IGF2BP2: variants seen among roughly 807,000 people sequenced by gnomAD.
IGF2BP2 encodes the protein insulin-like growth factor 2 mRNA-binding protein 2.
Under a neutral mutation model 75.8 loss-of-function variants are expected in IGF2BP2, and 17 were observed. That is an observed-to-expected ratio of 0.22 (90% CI 0.15 to 0.34). The LOEUF (loss-of-function observed/expected upper bound fraction) is 0.34, where lower values mean the gene tolerates loss of function less well. Among genes scored for constraint, IGF2BP2 ranks in the 10% least tolerant of loss-of-function variants. IGF2BP2 has a pLI of 1.00. For synonymous variants in IGF2BP2, 288 were observed against 295.6 expected (o/e 0.97, Z 0.26); for missense variants, 516 against 772.4 (o/e 0.67, Z 3.93).
In IGF2BP2 at chr3:185,647,858, C is replaced by T. The variant is rs1038963168; in HGVS notation, c.1594-720G>A. Among the ~76,000 whole-genome samples the T allele has an allele frequency of 1.1e-4, 17 of 152,252 alleles. No individual in the cohort carries two copies. Among genetic ancestry groups the T allele is most frequent in the Non-Finnish European group, 4.4e-5 (3 of 68,044 alleles). ...TCTGGCCTGATGCCGAGCTCACAGGCGGGTTCAGCATGTGCTTTAGGGGAA... is the reference window on the plus strand; with the variant it reads ...TCTGGCCTGATGCCGAGCTCACAGGTGGGTTCAGCATGTGCTTTAGGGGAA... On this transcript the variant is annotated intron_variant, in intron 14 of 15. Transcript: ENST00000382199. The surrounding 1 kb of genome is among the most constrained non-coding windows in gnomAD (Gnocchi z 4.9).
chr3:185,752,454 T>G (rs1272027222), intron 2 of IGF2BP2, among the ~76,000 whole-genome samples: 1 of 152,214 alleles, frequency 6.6e-6, no homozygotes, highest in Non-Finnish European at 1.5e-5. Context: ...GCCATTCTCT[T>G]TTATACTCCA....
intron 2 of IGF2BP2, among the ~76,000 whole-genome samples, chr3:185,770,982 C>T (rs1158734031): frequency 6.6e-6 from 1 of 152,156 alleles, no homozygotes; most frequent in East Asian, 1.9e-4. Context: ...AACTCTTGGC[C>T]TCAAGCAATC....
chr3:185,716,274 G>A (rs1725596163), intron 2 of IGF2BP2, among the ~76,000 whole-genome samples: 2 of 151,826 alleles, frequency 1.3e-5, no homozygotes, highest in Non-Finnish European at 2.9e-5. Context: ...TGATTCCTCT[G>A]CCCAGCATAT....
intron 2 of IGF2BP2, among the ~76,000 whole-genome samples, chr3:185,760,981 C>G (rs1394628347): frequency 6.6e-6 from 1 of 151,808 alleles, no homozygotes; most frequent in Non-Finnish European, 1.5e-5. Flanking sequence ...TCTTATACTT[C>G]AAATATTTTG....
In IGF2BP2 at chr3:185,699,951, T is replaced by A. The variant is rs547985589; in HGVS notation, c.240-1604A>T. 5.9e-5 allele frequency among the ~76,000 whole-genome samples: 9 copies of A among 152,334 alleles called. No homozygotes were observed. In the South Asian group the frequency reaches 1.2e-3, roughly 21 times the overall value. On this transcript the variant is annotated intron_variant, in intron 2 of 15. Coordinates refer to ENST00000382199, the MANE Select transcript of IGF2BP2 (RefSeq NM_006548.6). ...CAGTATAAGTTATGTAATTTTTTTT[T>A]ATCTTTGAGAACATGCTGGATATCC...
intron 1 of IGF2BP2, among the ~76,000 whole-genome samples, chr3:185,823,917 CG>C (rs962891269): frequency 2.6e-5 from 4 of 151,818 alleles, no homozygotes; most frequent in African/African-American, 7.3e-5. Context: ...AGCGCGCTCG[CG>C]GGCCCCCCGG....
chr3:185,691,911 TG>T (rs1277977382), intron 5 of IGF2BP2, among the ~76,000 whole-genome samples: 3 of 152,146 alleles, frequency 2.0e-5, no homozygotes, highest in Admixed American at 6.5e-5. Context: ...ATTTTTAAAT[TG>T]TTTTTTTGTA....
intron 2 of IGF2BP2, chr3:185,712,494 A>T (rs2149422540): frequency 6.6e-6 from 1 of 152,316 alleles, no homozygotes; most frequent in Non-Finnish European, 1.5e-5. Context: ...GCAGAGTGAG[A>T]GATATGCCAA....
chr3:185,665,370 G>A (rs1299366815), intron 10 of IGF2BP2, among the ~76,000 whole-genome samples: 19 of 141,130 alleles, frequency 1.3e-4, no homozygotes, highest in African/African-American at 4.8e-4. Flanking sequence ...AGGAGGAGGA[G>A]GAGAAGGAGG....
intron 11 of IGF2BP2, among the ~76,000 whole-genome samples, chr3:185,657,616 ATAAT>A (rs2149096813): frequency 6.6e-6 from 1 of 152,338 alleles, no homozygotes; most frequent in Non-Finnish European, 1.5e-5. Flanking sequence ...AGCGCTAGTG[ATAAT>A]CAAGGGCATC....
chr3:185,753,537 G>A (rs1731219158), intron 2 of IGF2BP2, among the ~76,000 whole-genome samples: 1 of 152,132 alleles, frequency 6.6e-6, no homozygotes, highest in African/African-American at 2.4e-5. Flanking sequence ...ACGAAGATAA[G>A]GCAACTGCGC....
intron 2 of IGF2BP2, among the ~76,000 whole-genome samples, chr3:185,765,127 G>A (rs1461011076): frequency 6.6e-6 from 1 of 152,048 alleles, no homozygotes; most frequent in Non-Finnish European, 1.5e-5. Flanking sequence ...AAAACATCTT[G>A]TGATGGCCTC....
At chr3:185,772,658 T>C (rs1346014992) in intron 2 of IGF2BP2, among the ~76,000 whole-genome samples, 1 of 148,460 alleles carries the variant, frequency 6.7e-6, no homozygotes, top group Non-Finnish European at 1.5e-5. Context: ...CTCAGCTCAC[T>C]GCAAACTCTG....
chr3:185,803,877 A>T (rs1738609352), intron 2 of IGF2BP2, among the ~76,000 whole-genome samples: 1 of 152,020 alleles, frequency 6.6e-6, no homozygotes, highest in Non-Finnish European at 1.5e-5. Context: ...TAATCCCAGC[A>T]CTTTAGGAGG....
Position 185,645,432 on chromosome 3 carries a change from T to G in IGF2BP2, c.*99A>C. 1 of 830,614 alleles carries G rather than the reference T, an allele frequency of 1.2e-6. No homozygotes were observed. Among genetic ancestry groups the G allele is most frequent in the Non-Finnish European group, 2.0e-6 (1 of 492,814 alleles). The allele number at this position is 830,614 out of a possible 1,614,324, so 51.5% of individuals were successfully genotyped here. A position where few individuals can be genotyped will look rare whatever the true frequency, so the allele number is the denominator to read the frequency against. On this transcript the variant is annotated 3_prime_UTR_variant, in exon 16 of 16. Transcript: ENST00000382199. This position sits in a 1 kb window ranked among gnomAD's most constrained non-coding sequence, Gnocchi z 4.9. Reference sequence around the variant, plus strand: ...AGACTTCTCATTCCTCAGATGGTCTTTGGTTTGCTCCCGATCTGGCTGGCT... The same window carrying G: ...AGACTTCTCATTCCTCAGATGGTCTGTGGTTTGCTCCCGATCTGGCTGGCT...
At chr3:185,724,084 G>A (rs1212570957) in intron 2 of IGF2BP2, among the ~76,000 whole-genome samples, 1 of 152,160 alleles carries the variant, frequency 6.6e-6, no homozygotes, top group African/African-American at 2.4e-5. Context: ...GGGCCAAAAA[G>A]TCCTAAGTGG....
intron 2 of IGF2BP2, among the ~76,000 whole-genome samples, chr3:185,780,808 C>G (rs1404588624): frequency 6.6e-6 from 1 of 152,174 alleles, no homozygotes; most frequent in Non-Finnish European, 1.5e-5. Context: ...ATATCGTCCC[C>G]ATTTTATAGC....
chr3:185,753,782 A>G (rs1731249774), intron 2 of IGF2BP2, among the ~76,000 whole-genome samples: 2 of 152,006 alleles, frequency 1.3e-5, no homozygotes, highest in Admixed American at 1.3e-4. Context: ...GTGATTCCCA[A>G]TGTTGGAGGT....
intron 1 of IGF2BP2, 58 bp from the exon 2 acceptor site, chr3:185,823,271 TA>T (rs1312113894): frequency 7.3e-6 from 10 of 1,368,116 alleles, no homozygotes; most frequent in South Asian, 2.5e-5. Flanking sequence ...CGCGGGGGTC[TA>T]GGGGGGGCAC....
Sources: allele counts gnomAD v4.1 joint callset (sites outside exome capture counted in the v4.1 genomes callset), GRCh38; gene constraint gnomAD v4.1.1; non-coding constraint Gnocchi (gnomAD v3.1); transcripts MANE v1.5; gene names NCBI Gene and HGNC (gene_info 2026-07-23, HGNC 2026-07-21).